BCAR3: variants seen among roughly 807,000 people sequenced by gnomAD.
BCAR3 encodes the protein breast cancer anti-estrogen resistance protein 3.
Under a neutral mutation model 80.1 loss-of-function variants are expected in BCAR3, and 37 were observed. The observed-to-expected ratio is 0.46, with a 90% CI of 0.36 to 0.61. The LOEUF (loss-of-function observed/expected upper bound fraction) is 0.61. BCAR3 is among the 20% of genes least tolerant of loss of function. The pLI is 0.00. For missense variants in BCAR3, 978 were observed against 1,068.2 expected (o/e 0.92, Z 1.18); for synonymous variants, 389 against 418.9 (o/e 0.93, Z 0.87).
intron 3 of BCAR3, among the ~76,000 whole-genome samples, chr1:93,625,836 A>G (rs920622797): frequency 6.6e-6 from 1 of 152,212 alleles, no homozygotes; most frequent in Non-Finnish European, 1.5e-5. Context: ...GCATAGAAGG[A>G]GCCAAGGCTG....
At chr1:93,828,686 C>T (rs1654458326) in intron 2 of BCAR3, among the ~76,000 whole-genome samples, 1 of 152,146 alleles carries the variant, frequency 6.6e-6, no homozygotes, top group South Asian at 2.1e-4. Context: ...TTTGAAGTCT[C>T]CTGCATCATG....
intron 2 of BCAR3, among the ~76,000 whole-genome samples, chr1:93,839,036 CTCACGCCTGTAA>C (rs900473746): frequency 6.6e-6 from 1 of 152,230 alleles, no homozygotes; most frequent in African/African-American, 2.4e-5. Flanking sequence ...GGCGTGGTGG[CTCACGCCTGTAA>C]TCCCAGCACT....
At chr1:93,676,915 G>A (rs1000980418) in intron 1 of BCAR3, among the ~76,000 whole-genome samples, 8 of 152,180 alleles carry the variant, frequency 5.3e-5, no homozygotes, top group African/African-American at 1.9e-4. Flanking sequence ...TTTCCTCTCT[G>A]CTTCCCCAAG....
At chr1:93,661,503 T>C (rs1647656442) in intron 2 of BCAR3, among the ~76,000 whole-genome samples, 1 of 151,712 alleles carries the variant, frequency 6.6e-6, no homozygotes, top group South Asian at 2.1e-4. Context: ...TTTTTTTTTT[T>C]TGAGACGAAG....
rs145157961 is a variant in BCAR3 at position 93,733,670 on chromosome 1, G to A, written c.-62-27528C>T. On this transcript the variant is annotated intron_variant, in intron 2 of 13. Coordinates refer to the BCAR3 transcript ENST00000370244. ...ACAGCTGGATGATGTGTGTGTGAGA[G>A]TGTGTGCACACGCATGCACCTGTAT... is the stretch of plus-strand genomic sequence containing the variant. 5.3e-3 allele frequency among the ~76,000 whole-genome samples: 803 copies of A among 152,344 alleles called. 2 individuals carry two copies. Among genetic ancestry groups the A allele is most frequent in the Non-Finnish European group, 8.8e-3 (596 of 68,030 alleles).
intron 2 of BCAR3, among the ~76,000 whole-genome samples, chr1:93,764,907 A>T (rs1168094077): frequency 6.6e-6 from 1 of 152,168 alleles, no homozygotes; most frequent in African/African-American, 2.4e-5. Context: ...CCACATCCAC[A>T]GTCCTAGGGG....
intron 2 of BCAR3, among the ~76,000 whole-genome samples, chr1:93,749,147 GGT>G (rs57871721): frequency 6.6e-6 from 1 of 150,522 alleles, no homozygotes; most frequent in African/African-American, 2.4e-5. Context: ...AACAAATAAT[GGT>G]GTGTGTGTGT....
chr1:93,573,474 G>C (rs1461701660), intron 8 of BCAR3, among the ~76,000 whole-genome samples: 1 of 151,906 alleles, frequency 6.6e-6, no homozygotes, highest in Non-Finnish European at 1.5e-5. Context: ...AGTTGTCTCT[G>C]TACATGTCTC....
chr1:93,678,207 G>C (rs113171565), intron 1 of BCAR3, among the ~76,000 whole-genome samples: 96 of 152,342 alleles, frequency 6.3e-4, no homozygotes, highest in African/African-American at 2.1e-3. Context: ...TGTGAAGCCA[G>C]GATTGAGAAC....
chr1:93,798,127 A>G (rs1653344652), intron 2 of BCAR3, among the ~76,000 whole-genome samples: 1 of 152,220 alleles, frequency 6.6e-6, no homozygotes. Context: ...TCCCCAGTGA[A>G]TGAGTTCATG....
Position 93,784,256 on chromosome 1 carries a change from C to A in BCAR3, c.-63+61311G>T, listed in dbSNP as rs577727173. On this transcript the variant is annotated intron_variant, in intron 2 of 13. Transcript: ENST00000370244. ...AATTTTGGGGCATTTTGTTAAGCAA[C>A]AGATATCCAGAATAGATAGTAAAAT... 8.8e-5 allele frequency among the ~76,000 whole-genome samples: 13 copies of A among 148,218 alleles called. No homozygotes were observed. The South Asian group carries it at 1.9e-3, about 22-fold the overall frequency.
chr1:93,707,693 T>A (rs1344100283), intron 2 of BCAR3, among the ~76,000 whole-genome samples: 1 of 152,038 alleles, frequency 6.6e-6, no homozygotes, highest in Non-Finnish European at 1.5e-5. Flanking sequence ...GGTGATAGAG[T>A]GAGACTCAGT....
Position 93,576,327 on chromosome 1 carries a change from C to G in BCAR3, c.1687-198G>C, listed in dbSNP as rs554038946. Among the ~76,000 whole-genome samples the G allele has an allele frequency of 1.1e-4, 16 of 152,272 alleles. 1 individual carries two copies. The South Asian group carries it at 3.3e-3, about 32-fold the overall frequency. ...TAAATACACATAGTACAGTATAAAA[C>G]TTAGGGGGAAAAGAAAGACTGGTGG... On this transcript the variant is annotated intron_variant, in intron 7 of 11. Coordinates refer to ENST00000260502, the MANE Select transcript of BCAR3 (RefSeq NM_003567.4).
upstream of BCAR3, among the ~76,000 whole-genome samples, chr1:93,686,438 T>C (rs1359015718): frequency 6.6e-6 from 1 of 152,162 alleles, no homozygotes; most frequent in Admixed American, 6.5e-5. Flanking sequence ...TAATTAGCAA[T>C]GATAACAATT....
chr1:93,656,279 C>G (rs1319559997), intron 2 of BCAR3, among the ~76,000 whole-genome samples: 1 of 152,052 alleles, frequency 6.6e-6, no homozygotes, highest in African/African-American at 2.4e-5. Flanking sequence ...CCTTCTAGAG[C>G]TCTGGTTAAA....
intron 3 of BCAR3, among the ~76,000 whole-genome samples, chr1:93,694,665 C>T (rs193109993): frequency 6.6e-6 from 1 of 152,326 alleles, no homozygotes; most frequent in Admixed American, 6.5e-5. Flanking sequence ...CATGCACATC[C>T]CCTGGCTCCT....
intron 2 of BCAR3, among the ~76,000 whole-genome samples, chr1:93,643,545 C>CAAAAA (rs547667389): frequency 2.2e-4 from 5 of 22,298 alleles, no homozygotes; most frequent in African/African-American, 5.1e-4. Context: ...GACTCTTTCT[C>CAAAAA]AAAAAAAAAA....
intron 3 of BCAR3, among the ~76,000 whole-genome samples, chr1:93,621,883 T>C (rs1675327008): frequency 6.6e-6 from 1 of 152,124 alleles, no homozygotes; most frequent in Non-Finnish European, 1.5e-5. Flanking sequence ...GTTTTTGTTT[T>C]TGTTTTGAGA....
intron 8 of BCAR3, among the ~76,000 whole-genome samples, chr1:93,573,649 G>A (rs1673328400): frequency 8.1e-6 from 1 of 123,546 alleles, no homozygotes. Context: ...TTTTTTTTGA[G>A]ACAGGGTTTT....
Sources: allele counts gnomAD v4.1 joint callset (sites outside exome capture counted in the v4.1 genomes callset), GRCh38; gene constraint gnomAD v4.1.1; transcripts MANE v1.5; gene names NCBI Gene and HGNC (gene_info 2026-07-23, HGNC 2026-07-21).